The following RBFOX3 variants were observed in gnomAD, a reference collection of about 807,000 sequenced individuals.
RBFOX3 encodes RNA binding fox-1 homolog 3, also known as RNA binding protein fox-1 homolog 3.
A neutral mutation model predicts 48.7 loss-of-function variants in RBFOX3; 17 were observed. The ratio of observed to expected loss-of-function variants is 0.35; its 90% CI spans 0.24 to 0.52. The LOEUF is 0.52. Among genes scored for constraint, RBFOX3 ranks in the 20% least tolerant of loss-of-function variants. The probability of loss-of-function intolerance (pLI) is 0.94; values close to 1 mark genes in which losing one functional copy is unlikely to be tolerated. For missense variants in RBFOX3, 382 were observed against 497.5 expected, an observed-to-expected ratio of 0.77 and a Z score of 2.21; for synonymous variants, 212 against 209.5, an observed-to-expected ratio of 1.01 and a Z score of -0.10.
intron 2 of RBFOX3, among the ~76,000 whole-genome samples, chr17:79,420,194 T>C (rs1286207492): frequency 1.3e-5 from 2 of 149,082 alleles, no homozygotes; most frequent in African/African-American, 2.5e-5. Context: ...TTAACAGGTG[T>C]GCCTCCTTTT....
At chr17:79,342,849 G>A (rs2082310965) in intron 2 of RBFOX3, among the ~76,000 whole-genome samples, 1 of 152,084 alleles carries the variant, frequency 6.6e-6, no homozygotes, top group Non-Finnish European at 1.5e-5. Context: ...TTTACAACGG[G>A]GCTTGTCACA....
chr17:79,268,620 C>T (rs2067145803), intron 3 of RBFOX3, among the ~76,000 whole-genome samples: 1 of 152,196 alleles, frequency 6.6e-6, no homozygotes. Context: ...GCACATCCTC[C>T]TGGACTCCCT....
At chr17:79,174,966 C>T (rs2050218945) in intron 4 of RBFOX3, among the ~76,000 whole-genome samples, 1 of 152,238 alleles carries the variant, frequency 6.6e-6, no homozygotes, top group African/African-American at 2.4e-5. Context: ...TGCTTGCAGG[C>T]CTCAGCTCGG....
At chr17:79,439,718 G>T (rs1279073218) in intron 2 of RBFOX3, among the ~76,000 whole-genome samples, 1 of 152,216 alleles carries the variant, frequency 6.6e-6, no homozygotes, top group African/African-American at 2.4e-5. Context: ...ACACTCAGTG[G>T]CATACACCAC....
chr17:79,662,521 C>T, the RBFOX3 span, among the ~76,000 whole-genome samples: 6 of 152,200 alleles, frequency 3.9e-5, no homozygotes, highest in Middle Eastern at 3.4e-3. Flanking sequence ...TTAACGGGAC[C>T]GCCTTTGTCA....
chr17:79,563,550 C>T (rs1200352179), intron 1 of RBFOX3, among the ~76,000 whole-genome samples: 3 of 152,238 alleles, frequency 2.0e-5, no homozygotes, highest in Non-Finnish European at 4.4e-5. Context: ...TGTGTGTTAG[C>T]ATTTTTTAAG....
chr17:79,469,910 G>C (rs2076849706), intron 2 of RBFOX3, among the ~76,000 whole-genome samples: 1 of 152,248 alleles, frequency 6.6e-6, no homozygotes, highest in East Asian at 1.9e-4. Flanking sequence ...ACGTGCATGA[G>C]AGAGAGCACG....
intron 2 of RBFOX3, among the ~76,000 whole-genome samples, chr17:79,335,415 G>A (rs772165022): frequency 1.3e-5 from 2 of 152,160 alleles, no homozygotes; most frequent in Admixed American, 6.6e-5. Context: ...TCACATGCAC[G>A]TTTTGCTATT....
chr17:79,518,244 G>A (rs1353470054), intron 1 of RBFOX3, among the ~76,000 whole-genome samples: 2 of 152,222 alleles, frequency 1.3e-5, no homozygotes, highest in Non-Finnish European at 2.9e-5. Flanking sequence ...TGGTGTTAGA[G>A]AGGACTATTA....
At chr17:79,272,267 G>A (rs1182632206) in intron 3 of RBFOX3, among the ~76,000 whole-genome samples, 3 of 152,152 alleles carry the variant, frequency 2.0e-5, no homozygotes, top group Non-Finnish European at 4.4e-5. Flanking sequence ...TGCTGATCTC[G>A]GGGTTACCTT....
At chr17:79,495,966 A>G (rs1412742401) in intron 1 of RBFOX3, among the ~76,000 whole-genome samples, 1 of 152,016 alleles carries the variant, frequency 6.6e-6, no homozygotes, top group Non-Finnish European at 1.5e-5. Flanking sequence ...GTGCAGAAAC[A>G]TGCAGAAGCA....
rs1242995281 is a variant in RBFOX3, at chr17:79,361,703, G to A, written c.-174-53879C>T. Among the ~76,000 whole-genome samples, 1 of 152,170 alleles carries A rather than the reference G, an allele frequency of 6.6e-6. No homozygotes were observed. The highest frequency in any genetic ancestry group is 1.5e-5 in the Non-Finnish European group (1 of 68,042). ...CCATCATTCATTTCTTGGTCTTTGG[G>A]CCAAGGTCATGTGTGTGTGCACACG... On this transcript the variant is annotated intron_variant, in intron 2 of 14. Transcript: ENST00000693108. This position sits in a 1 kb window ranked among gnomAD's most constrained non-coding sequence, Gnocchi z 4.5.
intron 2 of RBFOX3, among the ~76,000 whole-genome samples, chr17:79,358,311 G>A (rs930669828): frequency 2.0e-5 from 3 of 152,102 alleles, no homozygotes; most frequent in Non-Finnish European, 2.9e-5. Context: ...TAGTGAGCTA[G>A]AGCCGTCTTC....
the RBFOX3 span, among the ~76,000 whole-genome samples, chr17:79,626,320 C>G: frequency 6.6e-6 from 1 of 152,162 alleles, no homozygotes; most frequent in African/African-American, 2.4e-5. Flanking sequence ...AGCCACTTCT[C>G]TTTGCTTATT....
chr17:79,207,747 G>A (rs1351166606), intron 4 of RBFOX3, among the ~76,000 whole-genome samples: 1 of 152,244 alleles, frequency 6.6e-6, no homozygotes, highest in South Asian at 2.1e-4. Flanking sequence ...GAACTTTCCC[G>A]TCGGCCACTT....
At chr17:79,118,141 G>A (rs376148635) in intron 4 of RBFOX3, among the ~76,000 whole-genome samples, 46 of 152,202 alleles carry the variant, frequency 3.0e-4, no homozygotes, top group Middle Eastern at 3.4e-3. Flanking sequence ...GGGCCGTCTC[G>A]GTGCTCGCCA....
chr17:79,582,950 C>T (rs1404814355), intron 1 of RBFOX3, among the ~76,000 whole-genome samples: 1 of 152,160 alleles, frequency 6.6e-6, no homozygotes, highest in Non-Finnish European at 1.5e-5. Flanking sequence ...CACTGCGACC[C>T]ACAATGGGCC....
chr17:79,540,656 A>T (rs146450693), intron 1 of RBFOX3, among the ~76,000 whole-genome samples: 62 of 152,310 alleles, frequency 4.1e-4, no homozygotes, highest in African/African-American at 1.4e-3. Flanking sequence ...CGTGGTGCAC[A>T]GACGTGGGCT....
rs142545707 is a variant in RBFOX3, at chr17:79,128,286, T to A, written c.-33-12538A>T. ...TTGCTTCAGTGACTCCTAGAGAGGA[T>A]CCCCCATGTGTGGATGAGGGGGGGA... is the stretch of plus-strand genomic sequence containing the variant. On this transcript the variant is annotated intron_variant, in intron 4 of 14. Coordinates refer to ENST00000693108, the MANE Select transcript of RBFOX3 (RefSeq NM_001350451.2). Among the ~76,000 whole-genome samples the A allele has an allele frequency of 1.2e-3, 188 of 152,206 alleles. 2 individuals carry two copies. Among genetic ancestry groups the A allele is most frequent in the African/African-American group, 4.2e-3 (175 of 41,534 alleles).
Sources: gnomAD v4.1 joint callset for allele counts (sites outside exome capture counted in the v4.1 genomes callset) on GRCh38, gnomAD v4.1.1 for gene constraint, Gnocchi (gnomAD v3.1) non-coding constraint, MANE v1.5 for transcripts, NCBI Gene and HGNC (gene_info 2026-07-23, HGNC 2026-07-21) for gene names.